The following WNK2 variants were observed in gnomAD, a reference collection of about 807,000 sequenced individuals.
The protein encoded by WNK2 is WNK lysine deficient protein kinase 2.
Under a neutral mutation model 192.1 loss-of-function variants are expected in WNK2, and 67 were observed. The ratio of observed to expected loss-of-function variants is 0.35; its 90% CI spans 0.29 to 0.43. WNK2 has a LOEUF of 0.43. Among genes scored for constraint, WNK2 ranks in the 20% least tolerant of loss-of-function variants. WNK2 has a pLI of 1.00. For missense variants in WNK2, 2,698 were observed against 3,089.7 expected, an observed-to-expected ratio of 0.87 and a Z score of 3.01; for synonymous variants, 1,439 against 1,393.9, an observed-to-expected ratio of 1.03 and a Z score of -0.72.
rs1842781668 is a variant in WNK2, at chr9:93,252,917, C to T, written c.1869C>T (p.Thr623=). 3.8e-6 allele frequency: 6 copies of T among 1,565,342 alleles called. No individual in the cohort carries two copies. The highest frequency in any genetic ancestry group is 1.4e-5 in the African/African-American group (1 of 73,396). Residue 623 remains threonine, a synonymous_variant, in exon 9 of 30, where the codon ACC becomes ACT. Coordinates refer to ENST00000427277, the MANE Select transcript of WNK2 (RefSeq NM_006648.4). ...CCTTCGACAGCGGCCAGGGCTCTAC[C>T]GTGTACTCAGACTCGCAGAGCAGCC... is the stretch of plus-strand genomic sequence containing the variant. ...DSTFDSGQGS[T]VYSDSQSSQQ...
At chr9:93,307,009 C>A in intron 27 of WNK2, 188 bp downstream of exon 27, 1 of 682,406 alleles carries the variant, frequency 1.5e-6, no homozygotes. Context: ...CTCGGCTCCC[C>A]CGTGTGTCTC....
At chr9:93,228,696 G>A (rs1036009175) in intron 2 of WNK2, among the ~76,000 whole-genome samples, 2 of 152,156 alleles carry the variant, frequency 1.3e-5, no homozygotes, top group Admixed American at 6.5e-5. Flanking sequence ...CTGTCACCTC[G>A]TGAGGGGAAG....
intron 27 of WNK2, chr9:93,307,171 C>T: frequency 2.9e-6 from 1 of 350,494 alleles, no homozygotes; most frequent in South Asian, 3.0e-5. Context: ...GAGTGCCTCC[C>T]CACGAGGAGA....
chr9:93,242,712 A>G (rs1374957915), intron 7 of WNK2, among the ~76,000 whole-genome samples: 2 of 152,202 alleles, frequency 1.3e-5, no homozygotes, highest in Non-Finnish European at 2.9e-5. Flanking sequence ...AGGACAGAAG[A>G]TGGCCTCGAG....
intron 28 of WNK2, 172 bp downstream of exon 28, chr9:93,308,756 G>A (rs1853086856): frequency 7.1e-6 from 10 of 1,407,458 alleles, no homozygotes; most frequent in Non-Finnish European, 9.3e-6. Flanking sequence ...TACAGATTGG[G>A]AGGTGAGCGA....
intron 4 of WNK2, among the ~76,000 whole-genome samples, chr9:93,233,930 T>G (rs1280205183): frequency 1.3e-5 from 2 of 152,174 alleles, no homozygotes; most frequent in Non-Finnish European, 2.9e-5. Flanking sequence ...CTTATTTTAT[T>G]AAAAAGGCCT....
intron 24 of WNK2, 116 bp from the exon 25 acceptor site, chr9:93,298,954 G>C (rs1290912515): frequency 1.8e-6 from 2 of 1,085,844 alleles, no homozygotes; most frequent in Middle Eastern, 3.1e-4. Context: ...TGGTCTGCAG[G>C]AGACGTGAGC....
chr9:93,266,187 G>C (rs1407007170), intron 16 of WNK2, among the ~76,000 whole-genome samples: 6 of 152,180 alleles, frequency 3.9e-5, no homozygotes, highest in Admixed American at 3.9e-4. Context: ...GCGCTGTTTA[G>C]ACAAGCTTCT....
chr9:93,246,388 C>A (rs1255137171), intron 7 of WNK2, among the ~76,000 whole-genome samples: 1 of 152,204 alleles, frequency 6.6e-6, no homozygotes, highest in African/African-American at 2.4e-5. Flanking sequence ...CCAGGCCCTC[C>A]TGGTGAACTC....
In WNK2 at chr9:93,263,622, C is replaced by T. The variant is rs763421272; in HGVS notation, c.3467C>T (p.Ala1156Val). Residue 1156 changes from alanine (A) to valine (V), a missense_variant, in exon 15 of 30, where the codon GCC becomes GTC. By Grantham distance (64) the Ala-to-Val change is moderately conservative. Transcript: ENST00000427277. ...GAGCTGAGTGACAGCTGTGAAGGCG[C>T]CTTTGGAGGGGGCAGGCTGGAGGGC... Reference protein sequence around the residue: ...GKELSDSCEGAFGGGRLEGRA... With the variant: ...GKELSDSCEGVFGGGRLEGRA... 6 of 1,609,520 alleles carry T rather than the reference C, an allele frequency of 3.7e-6. No homozygotes were observed. In the South Asian group the frequency reaches 5.5e-5, roughly 15 times the overall value.
intron 28 of WNK2, among the ~76,000 whole-genome samples, chr9:93,311,265 T>G (rs560749190): frequency 9.2e-5 from 14 of 152,236 alleles, no homozygotes; most frequent in Non-Finnish European, 1.9e-4. Context: ...CTTTGAAGGC[T>G]GAGTGATAGT....
At chr9:93,302,925 C>CTT (rs34834891) in intron 26 of WNK2, among the ~76,000 whole-genome samples, 47 of 148,092 alleles carry the variant, frequency 3.2e-4, no homozygotes, top group South Asian at 8.5e-4. Context: ...AGCAGTCTCC[C>CTT]TTTTTTTTTT....
At chr9:93,208,070 T>C (rs1212533996) in intron 2 of WNK2, among the ~76,000 whole-genome samples, 1 of 152,188 alleles carries the variant, frequency 6.6e-6, no homozygotes, top group Non-Finnish European at 1.5e-5. Context: ...CTTGCTATTA[T>C]AAATAATGCT....
At chr9:93,274,110 G>A (rs532820097) in intron 19 of WNK2, among the ~76,000 whole-genome samples, 1 of 152,280 alleles carries the variant, frequency 6.6e-6, no homozygotes, top group African/African-American at 2.4e-5. Flanking sequence ...AGAAAGCTGT[G>A]ATATCTAAAA....
chr9:93,289,851 T>C (rs1323087740), intron 20 of WNK2, 127 bp from the exon 21 acceptor site: 3 of 986,018 alleles, frequency 3.0e-6, no homozygotes, highest in African/African-American at 3.3e-5. Flanking sequence ...GCCCCATCCA[T>C]GCACACACAG....
chr9:93,318,137 C>A, intron 29 of WNK2: 1 of 1,528,330 alleles, frequency 6.5e-7, no homozygotes. Flanking sequence ...CCAGCTTTTC[C>A]GTTCCCTGAT....
At chr9:93,236,579 C>T (rs1297990199) in intron 5 of WNK2, among the ~76,000 whole-genome samples, 1 of 152,242 alleles carries the variant, frequency 6.6e-6, no homozygotes, top group African/African-American at 2.4e-5. Context: ...CACAAAACAA[C>T]CTAGCAGATT....
At chr9:93,242,472 A>T (rs558876424) in intron 7 of WNK2, among the ~76,000 whole-genome samples, 2 of 152,330 alleles carry the variant, frequency 1.3e-5, no homozygotes, top group South Asian at 4.1e-4. Context: ...TGTGAATTAC[A>T]TTCAGATAAT....
intron 12 of WNK2, among the ~76,000 whole-genome samples, chr9:93,260,645 C>T (rs1449352917): frequency 2.6e-5 from 4 of 152,194 alleles, no homozygotes; most frequent in African/African-American, 7.2e-5. Flanking sequence ...GCCATCACTT[C>T]TTGCTGTCTT....
Sources: allele counts gnomAD v4.1 joint callset (sites outside exome capture counted in the v4.1 genomes callset), GRCh38; gene constraint gnomAD v4.1.1; transcripts MANE v1.5; gene names NCBI Gene and HGNC (gene_info 2026-07-23, HGNC 2026-07-21).